Variants in VWA8 observed in about 807,000 individuals in gnomAD.
The protein encoded by VWA8 is von Willebrand factor A domain containing 8, also known as von Willebrand factor A domain-containing protein 8.
Under a neutral mutation model 241.5 loss-of-function variants are expected in VWA8, and 221 were observed. The ratio of observed to expected loss-of-function variants is 0.91; its 90% CI spans 0.82 to 1.02. The LOEUF is 1.02. Among genes scored for constraint, VWA8 ranks in the 50% least tolerant of loss-of-function variants. The pLI, the probability that VWA8 is intolerant of heterozygous loss-of-function variation, is 0.00. For missense variants in VWA8, 2,322 were observed against 2,328.7 expected (o/e 1.00, Z 0.06); for synonymous variants, 852 against 827.1 (o/e 1.03, Z -0.52).
At chr13:41,599,867 C>T (rs1299407032) in intron 40 of VWA8, among the ~76,000 whole-genome samples, 1 of 152,090 alleles carries the variant, frequency 6.6e-6, no homozygotes, top group Non-Finnish European at 1.5e-5. Flanking sequence ...GGGCTATTCC[C>T]CTTTCAGCTT....
At chr13:41,847,429 G>T (rs1261604146) in intron 12 of VWA8, among the ~76,000 whole-genome samples, 1 of 152,160 alleles carries the variant, frequency 6.6e-6, no homozygotes, top group Non-Finnish European at 1.5e-5. Context: ...TGATGACACA[G>T]CCTGTGAAAA....
At chr13:41,883,341 A>G in intron 9 of VWA8, 46 bp downstream of exon 9, 2 of 1,490,770 alleles carry the variant, frequency 1.3e-6, no homozygotes, top group Non-Finnish European at 1.9e-6. Flanking sequence ...AGGCAAGGGA[A>G]GGGAAAATGG....
intron 37 of VWA8, among the ~76,000 whole-genome samples, chr13:41,655,090 A>ATTTT (rs35973790): frequency 7.2e-6 from 1 of 138,230 alleles, no homozygotes. Flanking sequence ...AAAAACTGAA[A>ATTTT]TTTTTTTTTT....
intron 2 of VWA8, among the ~76,000 whole-genome samples, chr13:41,947,459 C>A (rs1014654861): frequency 6.6e-6 from 1 of 152,040 alleles, no homozygotes; most frequent in Non-Finnish European, 1.5e-5. Flanking sequence ...TGATTTTGGG[C>A]AAATAATGAT....
At chr13:41,879,921 C>G (rs9594644) in intron 9 of VWA8, among the ~76,000 whole-genome samples, 36,912 of 152,080 alleles carry the variant, frequency 0.24, 5,322 homozygotes, top group Non-Finnish European at 0.31. Context: ...ACACCTTGAG[C>G]CAAACCATGT....
chr13:41,889,007 TTAAA>T (rs1168357272), intron 5 of VWA8, among the ~76,000 whole-genome samples: 4 of 152,170 alleles, frequency 2.6e-5, no homozygotes, highest in Non-Finnish European at 4.4e-5. Flanking sequence ...CTCAAAAATG[TTAAA>T]TAAAATATAA....
chr13:41,950,373 T>C (rs1878070733), intron 1 of VWA8, among the ~76,000 whole-genome samples: 1 of 152,096 alleles, frequency 6.6e-6, no homozygotes, highest in South Asian at 2.1e-4. Context: ...AAATCTTTTT[T>C]TTTTTTTGTT....
chr13:41,572,130 G>T (rs1403396803), intron 43 of VWA8, among the ~76,000 whole-genome samples: 3 of 151,142 alleles, frequency 2.0e-5, no homozygotes, highest in East Asian at 3.9e-4. Flanking sequence ...CGTCTGCGAA[G>T]TGAGGAGCCC....
At chr13:41,838,958 T>C (rs1044562854) in intron 12 of VWA8, among the ~76,000 whole-genome samples, 2 of 152,180 alleles carry the variant, frequency 1.3e-5, no homozygotes, top group African/African-American at 4.8e-5. Context: ...AATAAATATA[T>C]GTGCGCATGT....
intron 17 of VWA8, among the ~76,000 whole-genome samples, chr13:41,803,160 C>T (rs1870032685): frequency 6.6e-6 from 1 of 152,206 alleles, no homozygotes; most frequent in South Asian, 2.1e-4. Context: ...AGATCACACA[C>T]TCAATTCTCT....
intron 37 of VWA8, among the ~76,000 whole-genome samples, chr13:41,634,747 T>A: frequency 6.6e-6 from 1 of 152,234 alleles, no homozygotes. Flanking sequence ...GCTCTAATTT[T>A]TTTCCTTTGG....
chr13:41,660,879 CTT>C (rs918525375), intron 37 of VWA8, among the ~76,000 whole-genome samples: 28 of 140,912 alleles, frequency 2.0e-4, no homozygotes, highest in African/African-American at 1.8e-4. Flanking sequence ...AATTGGGTTT[CTT>C]TTTTTTTTTT....
intron 5 of VWA8, among the ~76,000 whole-genome samples, chr13:41,890,195 T>C (rs2138083665): frequency 6.6e-6 from 1 of 152,340 alleles, no homozygotes; most frequent in East Asian, 1.9e-4. Context: ...AATCAGACCC[T>C]CTGGCATTCA....
At chr13:41,816,797 G>A (rs1206871887) in intron 15 of VWA8, 22 bp from the exon 16 acceptor site, 2 of 1,560,586 alleles carry the variant, frequency 1.3e-6, no homozygotes, top group Non-Finnish European at 1.8e-6. Flanking sequence ...AAGAGTTGAG[G>A]ACAAACAGAA....
chr13:41,698,980 T>A, intron 29 of VWA8, 91 bp downstream of exon 29: 4 of 1,562,166 alleles, frequency 2.6e-6, no homozygotes, highest in Non-Finnish European at 3.5e-6. Flanking sequence ...TTGATCATCA[T>A]GAAAGCACAT....
intron 14 of VWA8, among the ~76,000 whole-genome samples, chr13:41,825,644 G>C (rs10507500): frequency 0.076 from 11,504 of 152,016 alleles, 598 homozygotes; most frequent in African/African-American, 0.15. Context: ...TTCTACCTTT[G>C]ACCTTTTTCT....
intron 37 of VWA8, among the ~76,000 whole-genome samples, chr13:41,661,386 A>C (rs1205050776): frequency 6.6e-6 from 1 of 152,144 alleles, no homozygotes; most frequent in Non-Finnish European, 1.5e-5. Context: ...ATATCTGACT[A>C]GGTAGTGAAA....
intron 37 of VWA8, among the ~76,000 whole-genome samples, chr13:41,649,358 A>G (rs530317199): frequency 6.6e-6 from 1 of 152,268 alleles, no homozygotes; most frequent in South Asian, 2.1e-4. Context: ...CAAACCTCCT[A>G]GTTTTAATAA....
At position 41,787,526 on chromosome 13, in the gene VWA8, G is replaced by C. The variant is rs1247076595; in HGVS notation, c.2081C>G (p.Ala694Gly). Residue 694 changes from alanine (A) to glycine (G), a missense_variant, in exon 18 of 45, where the codon GCT becomes GGT. Ala to Gly is a moderately conservative substitution (Grantham distance 60). Transcript: ENST00000379310. The stretch of plus-strand genomic sequence containing the variant: ...CAGATTTTTTTCTAATGCTGACCTA[G>C]CAAGACTGGGTAAAAACCTGGAGGA... ...ACLSRFLPSL[A>G]RSALEKNLAD... 6.2e-7 allele frequency: 1 copy of C among 1,611,166 alleles called. No homozygotes were observed. Among genetic ancestry groups the C allele is most frequent in the Admixed American group, 1.7e-5 (1 of 59,782 alleles).
Sources: allele counts gnomAD v4.1 joint callset (sites outside exome capture counted in the v4.1 genomes callset), GRCh38; gene constraint gnomAD v4.1.1; transcripts MANE v1.5; gene names NCBI Gene and HGNC (gene_info 2026-07-23, HGNC 2026-07-21).